BTBD9: variants seen among roughly 807,000 people sequenced by gnomAD.
BTBD9 encodes the protein BTB domain containing 9.
Under a neutral mutation model 64.3 loss-of-function variants are expected in BTBD9, and 49 were observed. That is an observed-to-expected ratio of 0.76 (90% confidence interval 0.61 to 0.97). The LOEUF is 0.97. BTBD9 is among the 50% of genes least tolerant of loss of function. BTBD9 has a pLI of 0.00. For missense variants in BTBD9, 598 were observed against 762.1 expected, an observed-to-expected ratio of 0.78 and a Z score of 2.53; for synonymous variants, 260 against 274.7, an observed-to-expected ratio of 0.95 and a Z score of 0.53.
intron 4 of BTBD9, chr6:38,587,366 C>A: frequency 2.1e-6 from 1 of 469,790 alleles, no homozygotes; most frequent in Admixed American, 2.5e-5. Flanking sequence ...ATCATGAAAG[C>A]TCAACTTGGG....
At chr6:38,595,150 A>G (rs1035268340) in intron 2 of BTBD9, among the ~76,000 whole-genome samples, 4 of 152,258 alleles carry the variant, frequency 2.6e-5, no homozygotes, top group Non-Finnish European at 5.9e-5. Context: ...AAAAAAGTAC[A>G]TAACCAAATA....
At chr6:38,254,682 G>A (rs1764515249) in intron 9 of BTBD9, among the ~76,000 whole-genome samples, 1 of 152,174 alleles carries the variant, frequency 6.6e-6, no homozygotes, top group South Asian at 2.1e-4. Flanking sequence ...CATTAGCCAT[G>A]AGGGAAATGC....
At chr6:38,615,842 A>G (rs1777766859) in intron 1 of BTBD9, among the ~76,000 whole-genome samples, 1 of 152,170 alleles carries the variant, frequency 6.6e-6, no homozygotes, top group South Asian at 2.1e-4. Flanking sequence ...CCTTTTTCAA[A>G]TAACTGCACT....
At chr6:38,327,866 C>G (rs1763502567) in intron 7 of BTBD9, among the ~76,000 whole-genome samples, 1 of 152,126 alleles carries the variant, frequency 6.6e-6, no homozygotes, top group Admixed American at 6.5e-5. Context: ...GTAGAATCAT[C>G]AGGTGTATCG....
chr6:38,317,934 C>CTTTT (rs34109121), intron 7 of BTBD9, among the ~76,000 whole-genome samples: 13 of 128,838 alleles, frequency 1.0e-4, no homozygotes, highest in South Asian at 2.5e-4. Flanking sequence ...CTCAAAATAG[C>CTTTT]TTTTTTTTTT....
rs938718268 is a variant in BTBD9 at position 38,271,968 on chromosome 6, A to C, written c.1455-15452T>G. Among the ~76,000 whole-genome samples the C allele has an allele frequency of 4.6e-5, 7 of 151,534 alleles. 1 individual carries two copies. The highest frequency in any genetic ancestry group is 2.0e-4 in the East Asian group (1 of 5,122). On this transcript the variant is annotated intron_variant, in intron 8 of 10. Coordinates refer to ENST00000481247, the MANE Select transcript of BTBD9 (RefSeq NM_001099272.2). Reference sequence around the variant, plus strand: ...ATTTCTCCTAAAAGAACTACAAAGAAAATGTGGGGGGAGGGGGGGAAGCAG... The same window carrying C: ...ATTTCTCCTAAAAGAACTACAAAGACAATGTGGGGGGAGGGGGGGAAGCAG...
At chr6:38,327,202 C>T (rs1269943898) in intron 7 of BTBD9, among the ~76,000 whole-genome samples, 1 of 152,112 alleles carries the variant, frequency 6.6e-6, no homozygotes, top group East Asian at 1.9e-4. Context: ...GTATCTAATG[C>T]AGCTATAAAA....
At chr6:38,468,061 TTCTAA>T (rs1377652730) in intron 6 of BTBD9, among the ~76,000 whole-genome samples, 1 of 152,176 alleles carries the variant, frequency 6.6e-6, no homozygotes, top group Non-Finnish European at 1.5e-5. Context: ...CTATCCTTCA[TTCTAA>T]TCTATTTTAC....
At chr6:38,253,201 A>G (rs960979193) in intron 9 of BTBD9, among the ~76,000 whole-genome samples, 3 of 152,212 alleles carry the variant, frequency 2.0e-5, no homozygotes, top group Admixed American at 6.5e-5. Context: ...GTATAAAGAA[A>G]TATCCAAGAC....
At chr6:38,258,046 C>T (rs1178297185) in intron 8 of BTBD9, among the ~76,000 whole-genome samples, 3 of 151,758 alleles carry the variant, frequency 2.0e-5, no homozygotes, top group Non-Finnish European at 4.4e-5. Flanking sequence ...AGTGTAATGG[C>T]GCGATCTCGG....
At chr6:38,394,962 A>AG (rs1045218010) in intron 6 of BTBD9, among the ~76,000 whole-genome samples, 56 of 124,184 alleles carry the variant, frequency 4.5e-4, no homozygotes, top group African/African-American at 1.9e-3. Context: ...CAAAAAAGAG[A>AG]GGGGAAAAAA....
chr6:38,233,462 G>A (rs1448263713), intron 9 of BTBD9, among the ~76,000 whole-genome samples: 6 of 152,084 alleles, frequency 3.9e-5, no homozygotes, highest in East Asian at 1.9e-4. Flanking sequence ...CTAACAGTGC[G>A]GTATTCTGGA....
chr6:38,558,554 T>G (rs543580108), intron 6 of BTBD9, among the ~76,000 whole-genome samples: 1 of 152,272 alleles, frequency 6.6e-6, no homozygotes, highest in South Asian at 2.1e-4. Context: ...CTCTTATGAT[T>G]TTGAGGTATG....
At chr6:38,457,396 T>G (rs781588761) in intron 6 of BTBD9, among the ~76,000 whole-genome samples, 1 of 152,138 alleles carries the variant, frequency 6.6e-6, no homozygotes, top group Non-Finnish European at 1.5e-5. Context: ...GTGGTGTTAG[T>G]GCAGATTGCA....
chr6:38,174,796 GAGA>G lies in BTBD9; in HGVS notation c.*186_*188del, dbSNP rs1436777186. 25 of 661,754 alleles carry G rather than the reference GAGA, an allele frequency of 3.8e-5. No individual in the cohort carries two copies. Among genetic ancestry groups the G allele is most frequent in the Middle Eastern group, 4.3e-4 (1 of 2,328 alleles). 41.0% of individuals were successfully genotyped at this position (661,754 alleles called of 1,614,324 possible). On this transcript the variant is annotated 3_prime_UTR_variant, in exon 11 of 11. Transcript: ENST00000481247. The stretch of plus-strand genomic sequence containing the variant: ...GAGACCTGCCTGATTTGGATAAATT[GAGA>G]AGAACAAAGCAGCCCCTTTCTGTCC...
intron 1 of BTBD9, among the ~76,000 whole-genome samples, chr6:38,605,533 C>T (rs927961806): frequency 6.6e-6 from 1 of 152,158 alleles, no homozygotes; most frequent in Non-Finnish European, 1.5e-5. Context: ...CATGTGCTTG[C>T]TTAAGTGAAT....
chr6:38,569,426 A>C (rs1775659798), intron 6 of BTBD9, among the ~76,000 whole-genome samples: 1 of 152,204 alleles, frequency 6.6e-6, no homozygotes, highest in Non-Finnish European at 1.5e-5. Flanking sequence ...GTGCTACCTG[A>C]ACTTAATCCT....
chr6:38,304,991 T>C (rs936106548), intron 7 of BTBD9, among the ~76,000 whole-genome samples: 3 of 151,984 alleles, frequency 2.0e-5, no homozygotes, highest in African/African-American at 4.8e-5. Context: ...TTTTTTTTTT[T>C]CTGCAGCTGT....
chr6:38,634,029 C>T (rs917471604), intron 1 of BTBD9, among the ~76,000 whole-genome samples: 1 of 152,162 alleles, frequency 6.6e-6, no homozygotes, highest in Non-Finnish European at 1.5e-5. Flanking sequence ...ATTGTTTTCT[C>T]TATGCCCAGC....
Sources: gnomAD v4.1 joint callset for allele counts (sites outside exome capture counted in the v4.1 genomes callset) on GRCh38, gnomAD v4.1.1 for gene constraint, MANE v1.5 for transcripts, NCBI Gene and HGNC (gene_info 2026-07-23, HGNC 2026-07-21) for gene names.